MAMDC2: variants seen among roughly 807,000 people sequenced by gnomAD.
MAMDC2 encodes the protein MAM domain containing 2, also known as MAM domain-containing protein 2.
In MAMDC2, 57 loss-of-function variants were observed where a neutral mutation model predicts 89.8. The ratio of observed to expected loss-of-function variants is 0.63; its 90% confidence interval spans 0.51 to 0.79. The LOEUF (loss-of-function observed/expected upper bound fraction) is 0.79, where lower values mean the gene tolerates loss of function less well. MAMDC2 is among the 30% of genes least tolerant of loss of function. The probability of loss-of-function intolerance (pLI) is 0.00; values close to 1 mark genes in which losing one functional copy is unlikely to be tolerated. For missense variants in MAMDC2, 800 were observed against 820.6 expected (o/e 0.97, Z 0.31); for synonymous variants, 313 against 293.4 (o/e 1.07, Z -0.68).
intron 11 of MAMDC2, among the ~76,000 whole-genome samples, chr9:70,215,871 T>A (rs2033436517): frequency 6.6e-6 from 1 of 152,216 alleles, no homozygotes; most frequent in South Asian, 2.1e-4. Context: ...AGACCAACGA[T>A]GCTTTCTCCC....
Position 70,044,075 on chromosome 9 carries a change from C to G in MAMDC2, c.-123C>G, listed in dbSNP as rs1406093164. ...AGCTCAGAGCGCAAGCTTTGCCTCTCGACTTCTCCCTCCTTGGGTCCCCGG... is the reference window on the plus strand; with the variant it reads ...AGCTCAGAGCGCAAGCTTTGCCTCTGGACTTCTCCCTCCTTGGGTCCCCGG... On this transcript the variant is annotated 5_prime_UTR_variant, in exon 1 of 14. Coordinates refer to ENST00000377182, the MANE Select transcript of MAMDC2 (RefSeq NM_153267.5). The G allele has an allele frequency of 7.6e-6, 9 of 1,180,780 alleles. No homozygotes were observed. The highest frequency in any genetic ancestry group is 7.5e-5 in the African/African-American group (5 of 66,294). 73.1% of individuals were successfully genotyped at this position (1,180,780 alleles called of 1,614,324 possible).
At chr9:70,132,529 A>G (rs62570292) in intron 7 of MAMDC2, among the ~76,000 whole-genome samples, 1 of 44,222 alleles carries the variant, frequency 2.3e-5, no homozygotes, top group Non-Finnish European at 4.6e-5. Context: ...GGGGACTAAG[A>G]AATTTTTTTT....
At chr9:70,167,786 C>T (rs936456902) in intron 9 of MAMDC2, among the ~76,000 whole-genome samples, 6 of 152,118 alleles carry the variant, frequency 3.9e-5, no homozygotes, top group African/African-American at 1.2e-4. Flanking sequence ...TTTGTTTTTC[C>T]TTCACAGACA....
intron 12 of MAMDC2, among the ~76,000 whole-genome samples, chr9:70,222,866 C>A (rs1041428843): frequency 6.6e-6 from 1 of 152,060 alleles, no homozygotes; most frequent in East Asian, 1.9e-4. Context: ...TGGCAGGGTG[C>A]GGTGGCTTAC....
chr9:70,166,546 A>G (rs1277323332), intron 9 of MAMDC2, among the ~76,000 whole-genome samples: 1 of 152,092 alleles, frequency 6.6e-6, no homozygotes, highest in Non-Finnish European at 1.5e-5. Context: ...TTTCTGTACT[A>G]TGAAATAATA....
chr9:70,199,902 G>T (rs1191982139), intron 11 of MAMDC2, among the ~76,000 whole-genome samples: 4 of 151,328 alleles, frequency 2.6e-5, no homozygotes, highest in African/African-American at 7.3e-5. Flanking sequence ...GGGGTTGTTT[G>T]TTCTTTTCTT....
chr9:70,063,848 G>T (rs1827203768), intron 2 of MAMDC2, among the ~76,000 whole-genome samples: 1 of 152,112 alleles, frequency 6.6e-6, no homozygotes, highest in African/African-American at 2.4e-5. Flanking sequence ...GCTGCCTGAA[G>T]TGTATGTTTT....
At chr9:70,089,754 T>G (rs1346415272) in intron 2 of MAMDC2, among the ~76,000 whole-genome samples, 1 of 152,198 alleles carries the variant, frequency 6.6e-6, no homozygotes, top group East Asian at 1.9e-4. Flanking sequence ...GTACAATGAC[T>G]CAATTGTACA....
intron 11 of MAMDC2, among the ~76,000 whole-genome samples, chr9:70,213,054 A>G (rs1397087125): frequency 3.3e-5 from 5 of 152,200 alleles, no homozygotes; most frequent in Admixed American, 3.3e-4. Flanking sequence ...AAAGAAGTCA[A>G]TCGAATGATC....
Position 70,143,066 on chromosome 9 carries a change from G to A in MAMDC2, c.1139-488G>A, listed in dbSNP as rs1255542249. The stretch of plus-strand genomic sequence containing the variant: ...TTAACATTTGACCAAGAGAGGAGTA[G>A]GCTCTGCCCAGACACACAAACTTCC... On this transcript the variant is annotated intron_variant, in intron 8 of 13. Transcript: ENST00000377182. Among the ~76,000 whole-genome samples, 36 of 152,140 alleles carry A rather than the reference G, an allele frequency of 2.4e-4. 1 individual carries two copies. The highest frequency in any genetic ancestry group is 2.4e-3 in the Admixed American group (36 of 15,272).
At chr9:70,175,020 C>T (rs2118551128) in intron 11 of MAMDC2, among the ~76,000 whole-genome samples, 1 of 152,234 alleles carries the variant, frequency 6.6e-6, no homozygotes, top group East Asian at 1.9e-4. Context: ...GCCACTGTGC[C>T]CAGCCAGGAC....
intron 2 of MAMDC2, among the ~76,000 whole-genome samples, chr9:70,054,486 A>G (rs570208369): frequency 1.3e-4 from 20 of 152,320 alleles, no homozygotes; most frequent in Admixed American, 1.1e-3. Context: ...GGAAATGTCA[A>G]TAGTTGGTAA....
rs1231014912 is a variant in MAMDC2, at chr9:70,107,151, GAGGTCC to G, written c.149-1059_149-1054del. ...GAATCTGCAGGCCAGAAAGGCCCAG[GAGGTCC>G]CCAAAGACCCACAGGCAATTGGATC... On this transcript the variant is annotated intron_variant, in intron 2 of 13. Coordinates refer to ENST00000377182, the MANE Select transcript of MAMDC2 (RefSeq NM_153267.5). Among the ~76,000 whole-genome samples, 966 of 152,152 alleles carry G rather than the reference GAGGTCC, an allele frequency of 6.3e-3. 8 individuals carry two copies. Among genetic ancestry groups the G allele is most frequent in the South Asian group, 0.024 (113 of 4,800 alleles).
chr9:70,140,568 A>C (rs529643970), intron 8 of MAMDC2, among the ~76,000 whole-genome samples: 1 of 152,326 alleles, frequency 6.6e-6, no homozygotes, highest in Non-Finnish European at 1.5e-5. Context: ...AATCTGTTGA[A>C]TTGTATTTAT....
intron 11 of MAMDC2, among the ~76,000 whole-genome samples, chr9:70,202,926 T>G (rs900870425): frequency 3.3e-5 from 5 of 150,418 alleles, no homozygotes; most frequent in African/African-American, 1.2e-4. Context: ...TCCTCCATCC[T>G]TTTATTTTGA....
intron 2 of MAMDC2, among the ~76,000 whole-genome samples, 194 bp from the exon 3 acceptor site, chr9:70,108,017 T>A (rs1828386531): frequency 6.6e-6 from 1 of 152,226 alleles, no homozygotes; most frequent in Non-Finnish European, 1.5e-5. Flanking sequence ...GTTGTCATCA[T>A]CTGGTAACAT....
At chr9:70,182,445 TG>T (rs1426175666) in intron 11 of MAMDC2, among the ~76,000 whole-genome samples, 1 of 152,220 alleles carries the variant, frequency 6.6e-6, no homozygotes, top group Non-Finnish European at 1.5e-5. Flanking sequence ...AGCTCCTCTT[TG>T]TACCTCTGGT....
intron 11 of MAMDC2, among the ~76,000 whole-genome samples, chr9:70,184,326 T>A (rs2032703760): frequency 6.6e-6 from 1 of 152,164 alleles, no homozygotes; most frequent in Non-Finnish European, 1.5e-5. Context: ...TTTTCTTTCA[T>A]TTCAACCTTG....
intron 2 of MAMDC2, among the ~76,000 whole-genome samples, chr9:70,068,986 T>A (rs1827335875): frequency 6.6e-6 from 1 of 152,182 alleles, no homozygotes; most frequent in Non-Finnish European, 1.5e-5. Flanking sequence ...TAACAAAATT[T>A]ATTCCAATGA....
Sources: gnomAD v4.1 joint callset for allele counts (sites outside exome capture counted in the v4.1 genomes callset) on GRCh38, gnomAD v4.1.1 for gene constraint, MANE v1.5 for transcripts, NCBI Gene and HGNC (gene_info 2026-07-23, HGNC 2026-07-21) for gene names.